Variants in ERCC6 observed in about 807,000 individuals in gnomAD.
ERCC6 encodes DNA excision repair protein ERCC-6.
A neutral mutation model predicts 158.7 loss-of-function variants in ERCC6; 116 were observed. That is an observed-to-expected ratio of 0.73 (90% CI 0.63 to 0.85). The LOEUF (loss-of-function observed/expected upper bound fraction) is 0.85, where lower values mean the gene tolerates loss of function less well. Ranked by LOEUF, ERCC6 falls within the 40% of genes least tolerant of loss-of-function variation. The pLI is 0.00. For missense variants in ERCC6, 1,698 were observed against 1,799.4 expected (o/e 0.94, Z 1.02); for synonymous variants, 678 against 659.3 (o/e 1.03, Z -0.43).
chr10:49,527,766 T>C (rs1270415183), intron 4 of ERCC6, among the ~76,000 whole-genome samples: 1 of 152,208 alleles, frequency 6.6e-6, no homozygotes, highest in Non-Finnish European at 1.5e-5. Flanking sequence ...TAGTAGAAAA[T>C]AGTTGCTTAG....
At chr10:49,470,098 T>C in intron 18 of ERCC6, 84 bp downstream of exon 18, 2 of 1,177,166 alleles carry the variant, frequency 1.7e-6, no homozygotes, top group Admixed American at 3.4e-5. Context: ...CTATGCACCA[T>C]CAGTTAAAGA....
At chr10:49,535,746 T>C (rs1448776345) in intron 1 of ERCC6, among the ~76,000 whole-genome samples, 2 of 152,146 alleles carry the variant, frequency 1.3e-5, no homozygotes, top group African/African-American at 2.4e-5. Context: ...AAACTTCTAA[T>C]AATAAAAAAG....
At chr10:49,436,916 A>G in the ERCC6 span, among the ~76,000 whole-genome samples, 3 of 152,254 alleles carry the variant, frequency 2.0e-5, no homozygotes, top group Non-Finnish European at 4.4e-5. Flanking sequence ...ACAAAATGGC[A>G]TATCATACCA....
Position 49,499,249 on chromosome 10 carries a change from C to A in ERCC6, c.1685+1289G>T, listed in dbSNP as rs372926697. On this transcript the variant is annotated intron_variant, in intron 7 of 20. Coordinates refer to ENST00000355832, the MANE Select transcript of ERCC6 (RefSeq NM_000124.4). ...GCATTTAAAAATCTCCAAGTGTTTT[C>A]TTCCCCTTCCTACATCTATATAAAT... 3.3e-5 allele frequency among the ~76,000 whole-genome samples: 5 copies of A among 152,310 alleles called. No individual in the cohort carries two copies. The South Asian group carries it at 1.0e-3, about 32-fold the overall frequency.
the ERCC6 span, among the ~76,000 whole-genome samples, chr10:49,444,420 C>G: frequency 1.3e-5 from 2 of 152,124 alleles, no homozygotes; most frequent in Non-Finnish European, 2.9e-5. Context: ...AAAACCAACA[C>G]CACAAAACTC....
chr10:49,496,968 G>A (rs1305241026), intron 7 of ERCC6, among the ~76,000 whole-genome samples: 2 of 152,186 alleles, frequency 1.3e-5, no homozygotes, highest in African/African-American at 4.8e-5. Context: ...TAACTTAAAT[G>A]AGGCCTACCC....
the ERCC6 span, among the ~76,000 whole-genome samples, chr10:49,436,069 C>G: frequency 1.5e-3 from 232 of 150,280 alleles, no homozygotes; most frequent in African/African-American, 5.4e-3. Context: ...GGATCTAACT[C>G]AAATTATTAT....
rs748104956 is a variant in ERCC6, at chr10:49,472,452, T to C, written c.2848A>G (p.Arg950Gly). Residue 950 changes from arginine to glycine, a missense_variant, in exon 16 of 21, where the codon AGA becomes GGA. By Grantham distance (125) the Arg-to-Gly change is moderately radical. Coordinates refer to ENST00000355832, the MANE Select transcript of ERCC6 (RefSeq NM_000124.4). ...GTCACTTGCTTCTTCTGGCCTATTCTCCATGCTCGCTCCCGGGCCTGCAAC... is the reference window on the plus strand; with the variant it reads ...GTCACTTGCTTCTTCTGGCCTATTCCCCATGCTCGCTCCCGGGCCTGCAAC... Reference protein sequence around the residue: ...TDTQARERAWRIGQKKQVTVY... With the variant: ...TDTQARERAWGIGQKKQVTVY... The C allele has an allele frequency of 1.2e-6, 2 of 1,614,056 alleles. No individual in the cohort carries two copies. Among genetic ancestry groups the C allele is most frequent in the Non-Finnish European group, 1.7e-6 (2 of 1,180,024 alleles).
chr10:49,515,594 CTCA>C (rs772103097), intron 5 of ERCC6: 1 of 1,614,072 alleles, frequency 6.2e-7, no homozygotes, highest in Admixed American at 1.7e-5. Context: ...CCACTGGTTT[CTCA>C]TCATATGTTT....
chr10:49,510,956 C>T (rs1217551731), intron 5 of ERCC6, among the ~76,000 whole-genome samples: 1 of 151,474 alleles, frequency 6.6e-6, no homozygotes, highest in Non-Finnish European at 1.5e-5. Flanking sequence ...AAAAAAATGA[C>T]CCATAATGAG....
intron 18 of ERCC6, among the ~76,000 whole-genome samples, chr10:49,462,045 C>G (rs764418341): frequency 2.0e-5 from 3 of 152,080 alleles, no homozygotes; most frequent in Non-Finnish European, 2.9e-5. Flanking sequence ...GCTAGACAAA[C>G]TGACACTAAA....
chr10:49,507,512 AT>A (rs1265193639), intron 5 of ERCC6, among the ~76,000 whole-genome samples: 1 of 152,004 alleles, frequency 6.6e-6, no homozygotes, highest in Non-Finnish European at 1.5e-5. Context: ...CTCCACTGGT[AT>A]TTTTTTTCCT....
At chr10:49,498,275 A>C (rs1851299301) in intron 7 of ERCC6, among the ~76,000 whole-genome samples, 1 of 152,120 alleles carries the variant, frequency 6.6e-6, no homozygotes, top group African/African-American at 2.4e-5. Context: ...ACAACACCAA[A>C]ATCATCTCAA....
At chr10:49,526,625 A>G (rs935474763) in intron 4 of ERCC6, among the ~76,000 whole-genome samples, 1 of 152,186 alleles carries the variant, frequency 6.6e-6, no homozygotes, top group Non-Finnish European at 1.5e-5. Flanking sequence ...GCCTCAATTA[A>G]GCCTTAGGTC....
chr10:49,470,271 C>T lies in ERCC6; in HGVS notation c.3689G>A (p.Arg1230His), dbSNP rs4253211. 1.7e-5 allele frequency: 27 copies of T among 1,613,958 alleles called. No homozygotes were observed. The Admixed American group carries it at 1.8e-4, about 11-fold the overall frequency. Residue 1230 changes from arginine (R) to histidine (H), a missense_variant, in exon 18 of 21, where the codon CGT (arginine) becomes CAT (histidine). Coordinates refer to ENST00000355832, the MANE Select transcript of ERCC6 (RefSeq NM_000124.4). ...TRIPHLVKKR[R>H]YQKQDSENKS... ...GTTTTCACTGTCTTGCTTCTGGTAA[C>T]GCCTTTTCTTCACCAGGTGTGGAAT...
At chr10:49,538,708 G>C (rs988868281) in intron 1 of ERCC6, among the ~76,000 whole-genome samples, 9 of 152,330 alleles carry the variant, frequency 5.9e-5, no homozygotes, top group African/African-American at 7.2e-5. Context: ...ATACAAAGTC[G>C]GAGAAGTAGC....
At chr10:49,515,759 C>T (rs762448040) in intron 5 of ERCC6, 6 of 1,614,112 alleles carry the variant, frequency 3.7e-6, no homozygotes, top group Admixed American at 3.3e-5. Flanking sequence ...ACACTTTGAT[C>T]ATGTTTGGCT....
chr10:49,510,873 C>T (rs932180401), intron 5 of ERCC6, among the ~76,000 whole-genome samples: 5 of 151,796 alleles, frequency 3.3e-5, no homozygotes, highest in Non-Finnish European at 5.9e-5. Context: ...ATTTCCTACT[C>T]CTTCTACCCA....
intron 8 of ERCC6, 101 bp downstream of exon 8, chr10:49,493,016 C>T: frequency 8.2e-7 from 1 of 1,219,736 alleles, no homozygotes; most frequent in African/African-American, 1.5e-5. Flanking sequence ...AAAAAAAACA[C>T]AGGAATATAC....
Sources: gnomAD v4.1 joint callset for allele counts (sites outside exome capture counted in the v4.1 genomes callset) on GRCh38, gnomAD v4.1.1 for gene constraint, MANE v1.5 for transcripts, NCBI Gene and HGNC (gene_info 2026-07-23, HGNC 2026-07-21) for gene names.